The following DLGAP1 variants were observed in gnomAD, a reference collection of about 807,000 sequenced individuals.
The protein encoded by DLGAP1 is disks large-associated protein 1.
A neutral mutation model predicts 90.8 loss-of-function variants in DLGAP1; 11 were observed. That is an observed-to-expected ratio of 0.12 (90% confidence interval 0.08 to 0.20). The LOEUF (loss-of-function observed/expected upper bound fraction) is 0.20, where lower values mean the gene tolerates loss of function less well. Among genes scored for constraint, DLGAP1 ranks in the 10% least tolerant of loss-of-function variants. The pLI is 1.00. For synonymous variants in DLGAP1, 558 were observed against 540.7 expected, an observed-to-expected ratio of 1.03 and a Z score of -0.44; for missense variants, 1,050 against 1,333.8, an observed-to-expected ratio of 0.79 and a Z score of 3.31.
chr18:4,398,624 A>G (rs370323971), intron 1 of DLGAP1, among the ~76,000 whole-genome samples: 2 of 152,232 alleles, frequency 1.3e-5, no homozygotes, highest in South Asian at 4.1e-4. Flanking sequence ...CTGCTATGAA[A>G]AGATAAATAT....
At chr18:4,020,422 G>A (rs1424310117) in intron 2 of DLGAP1, among the ~76,000 whole-genome samples, 1 of 152,176 alleles carries the variant, frequency 6.6e-6, no homozygotes, top group East Asian at 1.9e-4. Flanking sequence ...TTGAGTAACC[G>A]TTATGTGCCA....
Position 4,334,420 on chromosome 18 carries a change from TA to T in DLGAP1, c.-267+120585del, listed in dbSNP as rs1270069829. On this transcript the variant is annotated intron_variant, in intron 1 of 12. Transcript: ENST00000315677. Reference sequence around the variant, plus strand: ...TCTTGATTGGGCAACATGAAATCTGTAAATTAGCATGAATTTCCTTCCTGGT... The same window carrying T: ...TCTTGATTGGGCAACATGAAATCTGTAATTAGCATGAATTTCCTTCCTGGT... 3.3e-5 allele frequency among the ~76,000 whole-genome samples: 5 copies of T among 152,032 alleles called. No homozygotes were observed. The East Asian group carries it at 9.6e-4, about 29-fold the overall frequency.
At chr18:4,046,087 GT>G (rs1239790681) in intron 2 of DLGAP1, among the ~76,000 whole-genome samples, 2 of 152,094 alleles carry the variant, frequency 1.3e-5, no homozygotes, top group Non-Finnish European at 2.9e-5. Context: ...CAGTCTGTAT[GT>G]CCCCATCTGG....
intron 7 of DLGAP1, among the ~76,000 whole-genome samples, chr18:3,702,017 C>A (rs1031588187): frequency 2.6e-5 from 4 of 152,074 alleles, no homozygotes; most frequent in South Asian, 2.1e-4. Context: ...TGTATGAGTA[C>A]CCTGACACTA....
At chr18:3,995,804 C>T (rs182336126) in intron 3 of DLGAP1, 1 of 151,000 alleles carries the variant, frequency 6.6e-6, no homozygotes, top group Admixed American at 6.6e-5. Context: ...TGTAAGATAT[C>T]TTTCTGTAAA....
intron 1 of DLGAP1, among the ~76,000 whole-genome samples, chr18:4,313,366 T>C (rs73942776): frequency 0.031 from 4,726 of 152,176 alleles, 172 homozygotes; most frequent in African/African-American, 0.095. Flanking sequence ...GTTGGTACCG[T>C]TGAGAAATGG....
intron 2 of DLGAP1, among the ~76,000 whole-genome samples, chr18:4,146,733 C>T (rs986130767): frequency 2.4e-4 from 36 of 151,816 alleles, no homozygotes; most frequent in Admixed American, 4.6e-4. Flanking sequence ...ATTAAAAAAA[C>T]GAATTTTCAA....
intron 4 of DLGAP1, among the ~76,000 whole-genome samples, chr18:3,826,478 G>T (rs190794375): frequency 5.3e-5 from 8 of 152,178 alleles, no homozygotes; most frequent in African/African-American, 1.9e-4. Context: ...TCTAGGTACC[G>T]ACTGACTGGA....
At chr18:3,986,667 A>G (rs184377988) in intron 3 of DLGAP1, 17 of 152,348 alleles carry the variant, frequency 1.1e-4, no homozygotes, top group African/African-American at 4.1e-4. Context: ...AGAAAGACCA[A>G]ATGAGAAGGA....
intron 1 of DLGAP1, among the ~76,000 whole-genome samples, chr18:4,409,054 GTTA>G (rs1474910927): frequency 6.6e-6 from 1 of 151,450 alleles, no homozygotes; most frequent in African/African-American, 2.4e-5. Flanking sequence ...CCAGCAATAG[GTTA>G]TTTAAATAAA....
intron 5 of DLGAP1, among the ~76,000 whole-genome samples, chr18:3,788,161 C>T (rs776062590): frequency 1.3e-5 from 2 of 152,214 alleles, no homozygotes; most frequent in African/African-American, 2.4e-5. Context: ...GAGGGGTATA[C>T]AAGCATCTGT....
intron 6 of DLGAP1, among the ~76,000 whole-genome samples, chr18:3,735,513 G>A (rs973665463): frequency 1.3e-5 from 2 of 152,152 alleles, no homozygotes; most frequent in Non-Finnish European, 2.9e-5. Context: ...GTGAGCCACC[G>A]TGCTTGGCCC....
At chr18:4,263,570 T>TGAAA (rs1423817617) in intron 1 of DLGAP1, among the ~76,000 whole-genome samples, 2 of 152,184 alleles carry the variant, frequency 1.3e-5, no homozygotes, top group Non-Finnish European at 2.9e-5. Context: ...AAATTCTAGA[T>TGAAA]GAAAAATACT....
At chr18:3,800,817 A>G (rs1598802479) in intron 5 of DLGAP1, among the ~76,000 whole-genome samples, 1 of 152,346 alleles carries the variant, frequency 6.6e-6, no homozygotes, top group South Asian at 2.1e-4. Context: ...GCGTATCACT[A>G]CGGCAAGCAA....
intron 7 of DLGAP1, among the ~76,000 whole-genome samples, chr18:3,683,305 C>T (rs2060585176): frequency 6.6e-6 from 1 of 152,138 alleles, no homozygotes; most frequent in Non-Finnish European, 1.5e-5. Flanking sequence ...AGATGTAGAA[C>T]ACATCAAGAG....
At chr18:4,244,209 A>G (rs1374719367) in intron 1 of DLGAP1, among the ~76,000 whole-genome samples, 1 of 152,176 alleles carries the variant, frequency 6.6e-6, no homozygotes, top group Non-Finnish European at 1.5e-5. Context: ...AACAACGGTC[A>G]CCTTCCCCCT....
At chr18:3,716,609 A>G (rs558536605) in intron 7 of DLGAP1, among the ~76,000 whole-genome samples, 3 of 152,194 alleles carry the variant, frequency 2.0e-5, no homozygotes, top group Non-Finnish European at 4.4e-5. Flanking sequence ...GTATAAGGAG[A>G]AAAACAAAAC....
chr18:4,335,794 G>C (rs1306344915), intron 1 of DLGAP1, among the ~76,000 whole-genome samples: 1 of 152,192 alleles, frequency 6.6e-6, no homozygotes, highest in Admixed American at 6.5e-5. Flanking sequence ...GGAGCAATCA[G>C]CAATGTCACA....
At chr18:3,585,818 A>T (rs948294778) in intron 7 of DLGAP1, among the ~76,000 whole-genome samples, 1 of 152,200 alleles carries the variant, frequency 6.6e-6, no homozygotes, top group Non-Finnish European at 1.5e-5. Flanking sequence ...CCCCTCCAAA[A>T]AAAAGCTAGA....
Sources: gnomAD v4.1 joint callset for allele counts (sites outside exome capture counted in the v4.1 genomes callset) on GRCh38, gnomAD v4.1.1 for gene constraint, MANE v1.5 for transcripts, NCBI Gene and HGNC (gene_info 2026-07-23, HGNC 2026-07-21) for gene names.